The following LOXL2 variants were observed in gnomAD, a reference collection of about 807,000 sequenced individuals.
LOXL2 encodes lysyl oxidase like 2, also known as lysyl oxidase homolog 2.
A neutral mutation model predicts 93.0 loss-of-function variants in LOXL2; 70 were observed. That is an observed-to-expected ratio of 0.75 (90% CI 0.62 to 0.92). The LOEUF is 0.92. LOXL2 is among the 40% of genes least tolerant of loss of function. LOXL2 has a pLI of 0.00. For synonymous variants in LOXL2, 438 were observed against 413.2 expected (o/e 1.06, Z -0.73); for missense variants, 973 against 1,054.9 (o/e 0.92, Z 1.08).
At chr8:23,339,822 CTCACCCAAA>C (rs1167499015) in intron 4 of LOXL2, among the ~76,000 whole-genome samples, 1 of 152,174 alleles carries the variant, frequency 6.6e-6, no homozygotes, top group African/African-American at 2.4e-5. Flanking sequence ...GTGTTGTGTG[CTCACCCAAA>C]TGGGCAGCTC....
Position 23,333,071 on chromosome 8 carries a change from T to A in LOXL2, c.966+330A>T, listed in dbSNP as rs77214161. ...GCTTGCAAATGTGTCGCTGACTGCA[T>A]GTGCTTTTCAGAGTTGGGTCACATT... On this transcript the variant is annotated intron_variant, in intron 5 of 13. Transcript: ENST00000389131. Among the ~76,000 whole-genome samples the A allele has an allele frequency of 1.7e-3, 254 of 152,284 alleles. 2 individuals carry two copies. The highest frequency in any genetic ancestry group is 5.9e-3 in the African/African-American group (246 of 41,568).
chr8:23,364,428 G>C (rs1312872427), intron 2 of LOXL2: 1 of 152,198 alleles, frequency 6.6e-6, no homozygotes, highest in Non-Finnish European at 1.5e-5. Flanking sequence ...CCTGATGAAA[G>C]AAGAGATAAA....
intron 1 of LOXL2, among the ~76,000 whole-genome samples, chr8:23,381,973 T>G (rs1370087548): frequency 6.6e-6 from 1 of 152,072 alleles, no homozygotes; most frequent in African/African-American, 2.4e-5. Context: ...TGGCTCGGAG[T>G]AGACCCCTCA....
intron 6 of LOXL2, among the ~76,000 whole-genome samples, chr8:23,326,834 T>C (rs916987760): frequency 2.6e-5 from 4 of 152,114 alleles, no homozygotes; most frequent in Non-Finnish European, 5.9e-5. Flanking sequence ...CCAGGTGGCA[T>C]GATGTGACTC....
intron 11 of LOXL2, among the ~76,000 whole-genome samples, chr8:23,302,743 G>A (rs957857938): frequency 6.6e-6 from 1 of 152,218 alleles, no homozygotes; most frequent in Non-Finnish European, 1.5e-5. Flanking sequence ...GAACTGACAT[G>A]TCTCCCCATG....
intron 2 of LOXL2, among the ~76,000 whole-genome samples, chr8:23,362,789 T>C (rs1485489539): frequency 6.6e-6 from 1 of 152,152 alleles, no homozygotes; most frequent in Non-Finnish European, 1.5e-5. Flanking sequence ...CATTTGGCCA[T>C]AATTTTTTTT....
chr8:23,331,248 A>T (rs1365813068), intron 5 of LOXL2, among the ~76,000 whole-genome samples: 5 of 151,990 alleles, frequency 3.3e-5, no homozygotes, highest in African/African-American at 4.8e-5. Flanking sequence ...TGGCTGGGGG[A>T]AAGCTGGTTG....
intron 5 of LOXL2, among the ~76,000 whole-genome samples, chr8:23,329,440 G>A (rs778248074): frequency 2.0e-5 from 3 of 152,180 alleles, no homozygotes; most frequent in Non-Finnish European, 2.9e-5. Context: ...GACTCTCTAC[G>A]TCTTGGCCAC....
intron 1 of LOXL2, chr8:23,385,678 T>G: frequency 6.0e-6 from 3 of 499,904 alleles, no homozygotes; most frequent in Non-Finnish European, 1.1e-5. Context: ...TATTTCATCC[T>G]CTCGTCTGGA....
chr8:23,355,299 G>A (rs1804175728), intron 3 of LOXL2, among the ~76,000 whole-genome samples: 1 of 137,558 alleles, frequency 7.3e-6, no homozygotes, highest in Non-Finnish European at 1.6e-5. Flanking sequence ...TCAAGTATTT[G>A]AAGAGAACCA....
chr8:23,343,955 A>C (rs1455137936), intron 3 of LOXL2, among the ~76,000 whole-genome samples: 1 of 152,204 alleles, frequency 6.6e-6, no homozygotes, highest in Non-Finnish European at 1.5e-5. Flanking sequence ...TCAAGACTGC[A>C]CTTCACAGGG....
At chr8:23,317,242 C>G in intron 8 of LOXL2, 128 bp from the exon 9 acceptor site, 1 of 969,512 alleles carries the variant, frequency 1.0e-6, no homozygotes. Context: ...CGAAACAGCA[C>G]GGAGGGTCAC....
chr8:23,402,930 C>T (rs546904800), intron 1 of LOXL2, among the ~76,000 whole-genome samples: 2 of 152,150 alleles, frequency 1.3e-5, no homozygotes, highest in Admixed American at 6.5e-5. Flanking sequence ...CCCCCTCCCT[C>T]GCCGTGTTCT....
chr8:23,337,927 G>A (rs1353172526), intron 4 of LOXL2, among the ~76,000 whole-genome samples: 1 of 152,180 alleles, frequency 6.6e-6, no homozygotes, highest in Non-Finnish European at 1.5e-5. Context: ...CAGGTAACTG[G>A]AGGGTATTAG....
chr8:23,325,972 C>A (rs1165764869), intron 6 of LOXL2, among the ~76,000 whole-genome samples: 7 of 152,224 alleles, frequency 4.6e-5, no homozygotes, highest in Admixed American at 4.6e-4. Context: ...GAAGGTTGCT[C>A]AAGGTCACCA....
intron 11 of LOXL2, 121 bp downstream of exon 11, chr8:23,303,161 G>A: frequency 5.6e-6 from 4 of 710,234 alleles, no homozygotes; most frequent in Non-Finnish European, 1.0e-5. Context: ...GGTGGGGAAA[G>A]GTGGCAGTGG....
chr8:23,377,247 G>A (rs1186345717), intron 1 of LOXL2, among the ~76,000 whole-genome samples: 1 of 152,166 alleles, frequency 6.6e-6, no homozygotes, highest in East Asian at 1.9e-4. Flanking sequence ...TAGTTGAGCA[G>A]TTTTGAGTGG....
In LOXL2 at chr8:23,328,493, A is replaced by G. The variant is rs1484264399; in HGVS notation, c.1039T>C (p.Trp347Arg). ...CACTTGTCGTCGCAGACGGTCCCCC[A>G]TTCTCCATTTTTGAGCACCTCCACG... ...GRVEVLKNGEWGTVCDDKWDL... is the reference protein window; with the variant it reads ...GRVEVLKNGERGTVCDDKWDL... The change falls in exon 6 of 14, where the codon TGG (tryptophan) becomes CGG (arginine). Residue 347 changes from tryptophan to arginine, a missense_variant. Coordinates refer to ENST00000389131, the MANE Select transcript of LOXL2 (RefSeq NM_002318.3). 1.2e-6 allele frequency: 2 copies of G among 1,613,602 alleles called. No individual in the cohort carries two copies. The highest frequency in any genetic ancestry group is 3.3e-5 in the Admixed American group (2 of 59,982).
At chr8:23,389,535 C>T (rs1804810694) in intron 1 of LOXL2, among the ~76,000 whole-genome samples, 1 of 152,146 alleles carries the variant, frequency 6.6e-6, no homozygotes, top group South Asian at 2.1e-4. Flanking sequence ...TCGAATAATG[C>T]CCCATGTGAC....
Sources: gnomAD v4.1 joint callset for allele counts (sites outside exome capture counted in the v4.1 genomes callset) on GRCh38, gnomAD v4.1.1 for gene constraint, MANE v1.5 for transcripts, NCBI Gene and HGNC (gene_info 2026-07-23, HGNC 2026-07-21) for gene names.